The following ATP8A2 variants were observed in gnomAD, a reference collection of about 807,000 sequenced individuals.
ATP8A2 encodes phospholipid-transporting ATPase IB.
A neutral mutation model predicts 165.6 loss-of-function variants in ATP8A2; 100 were observed. The observed-to-expected ratio is 0.60, with a 90% CI of 0.51 to 0.71. The LOEUF (loss-of-function observed/expected upper bound fraction) is 0.71, where lower values mean the gene tolerates loss of function less well. ATP8A2 is among the 30% of genes least tolerant of loss of function. The probability of loss-of-function intolerance (pLI) is 0.00; values close to 1 mark genes in which losing one functional copy is unlikely to be tolerated. For missense variants in ATP8A2, 1,227 were observed against 1,479.5 expected, an observed-to-expected ratio of 0.83 and a Z score of 2.80; for synonymous variants, 543 against 548.8, an observed-to-expected ratio of 0.99 and a Z score of 0.15.
chr13:25,846,723 AATG>A (rs1443891384), intron 30 of ATP8A2, among the ~76,000 whole-genome samples: 2 of 152,166 alleles, frequency 1.3e-5, no homozygotes, highest in Non-Finnish European at 2.9e-5. Flanking sequence ...AGGCCAGGAT[AATG>A]ATTGGAGTCC....
At chr13:25,666,820 A>G (rs1003190801) in intron 24 of ATP8A2, among the ~76,000 whole-genome samples, 5 of 152,326 alleles carry the variant, frequency 3.3e-5, no homozygotes, top group African/African-American at 1.2e-4. Context: ...TTCTGAGTAG[A>G]GATAAGGCTG....
At chr13:25,468,879 C>G in intron 1 of ATP8A2, 98 bp from the exon 2 acceptor site, 2 of 1,554,012 alleles carry the variant, frequency 1.3e-6, no homozygotes, top group African/African-American at 2.8e-5. Flanking sequence ...GCATCCTTCC[C>G]CGCCGGTGGC....
intron 25 of ATP8A2, among the ~76,000 whole-genome samples, chr13:25,738,759 G>A (rs1158500059): frequency 6.6e-6 from 1 of 152,228 alleles, no homozygotes; most frequent in African/African-American, 2.4e-5. Context: ...ACAACTCTTT[G>A]GATGTAATAC....
At chr13:25,717,418 TAA>T (rs55732375) in intron 25 of ATP8A2, among the ~76,000 whole-genome samples, 12 of 94,990 alleles carry the variant, frequency 1.3e-4, no homozygotes, top group South Asian at 3.8e-4. Flanking sequence ...CTGAAAAAAC[TAA>T]AAAAAAAAAA....
intron 29 of ATP8A2, among the ~76,000 whole-genome samples, chr13:25,838,521 A>ATTCC (rs1951678057): frequency 6.6e-6 from 1 of 152,094 alleles, no homozygotes; most frequent in African/African-American, 2.4e-5. Context: ...AGTAAGTAAG[A>ATTCC]GCTGAGAATG....
intron 25 of ATP8A2, among the ~76,000 whole-genome samples, chr13:25,763,548 G>C (rs540785411): frequency 2.6e-5 from 4 of 151,938 alleles, no homozygotes; most frequent in Non-Finnish European, 2.9e-5. Flanking sequence ...TATTGGGCTC[G>C]CCTGAATGCA....
chr13:25,632,245 CTT>C (rs34476901), intron 24 of ATP8A2, among the ~76,000 whole-genome samples: 32,194 of 151,980 alleles, frequency 0.21, 3,527 homozygotes, highest in Admixed American at 0.25. Flanking sequence ...ATTTTTGGGG[CTT>C]TTATGGAGGC....
chr13:25,567,282 C>A (rs2039342332), intron 16 of ATP8A2: 1 of 456,382 alleles, frequency 2.2e-6, no homozygotes, highest in Admixed American at 2.3e-5. Flanking sequence ...GAATGGAGAT[C>A]TGAGCACAGC....
intron 2 of ATP8A2, among the ~76,000 whole-genome samples, chr13:25,525,335 G>A (rs1204677633): frequency 6.6e-6 from 1 of 152,058 alleles, no homozygotes; most frequent in Non-Finnish European, 1.5e-5. Context: ...TGAGTGGATT[G>A]CACACCACAA....
chr13:25,435,935 G>GTGTGTA (rs1479696769), intron 1 of ATP8A2, among the ~76,000 whole-genome samples: 13 of 21,602 alleles, frequency 6.0e-4, no homozygotes, highest in Non-Finnish European at 2.3e-3. Context: ...GTGTGTGAGT[G>GTGTGTA]TGTGTGTGTG....
intron 30 of ATP8A2, among the ~76,000 whole-genome samples, chr13:25,852,189 G>C (rs1022478327): frequency 1.3e-5 from 2 of 152,170 alleles, no homozygotes; most frequent in African/African-American, 2.4e-5. Flanking sequence ...TTCTCAACCA[G>C]GATTGATTTT....
chr13:25,829,293 C>T (rs1446567583), intron 28 of ATP8A2, among the ~76,000 whole-genome samples: 1 of 151,972 alleles, frequency 6.6e-6, no homozygotes, highest in Non-Finnish European at 1.5e-5. Context: ...AGCACATTTC[C>T]TCCTGATACT....
intron 33 of ATP8A2, among the ~76,000 whole-genome samples, chr13:25,958,564 AC>A (rs1955585799): frequency 6.6e-6 from 1 of 152,108 alleles, no homozygotes; most frequent in Non-Finnish European, 1.5e-5. Context: ...CAATAATTCT[AC>A]CCACCTGACG....
At chr13:25,684,484 T>C (rs1458222383) in intron 24 of ATP8A2, among the ~76,000 whole-genome samples, 2 of 152,170 alleles carry the variant, frequency 1.3e-5, no homozygotes, top group Non-Finnish European at 2.9e-5. Flanking sequence ...GGAAAGACCA[T>C]ATCGAGTTCG....
At chr13:25,485,485 A>G (rs371005072) in intron 2 of ATP8A2, among the ~76,000 whole-genome samples, 2 of 152,364 alleles carry the variant, frequency 1.3e-5, no homozygotes, top group East Asian at 3.9e-4. Flanking sequence ...GGCACATGCC[A>G]TATCTTTTAA....
intron 27 of ATP8A2, among the ~76,000 whole-genome samples, chr13:25,780,106 A>G (rs2044839277): frequency 6.6e-6 from 1 of 152,228 alleles, no homozygotes; most frequent in African/African-American, 2.4e-5. Flanking sequence ...TAGTGGCCAT[A>G]AAATTCAAAT....
chr13:25,746,779 T>G (rs908702544), intron 25 of ATP8A2, among the ~76,000 whole-genome samples: 1 of 152,240 alleles, frequency 6.6e-6, no homozygotes, highest in African/African-American at 2.4e-5. Flanking sequence ...CATTGAAGAC[T>G]GAACCATATA....
intron 1 of ATP8A2, among the ~76,000 whole-genome samples, chr13:25,392,132 G>A (rs2033270847): frequency 1.3e-5 from 2 of 152,166 alleles, no homozygotes; most frequent in African/African-American, 4.8e-5. Context: ...TAGATAATGA[G>A]CACCACCCCT....
At chr13:25,764,148 T>C (rs1256825387) in intron 25 of ATP8A2, among the ~76,000 whole-genome samples, 1 of 152,230 alleles carries the variant, frequency 6.6e-6, no homozygotes, top group East Asian at 1.9e-4. Context: ...TTAAATATTA[T>C]GTATTTTAGG....
Sources: allele counts gnomAD v4.1 joint callset (sites outside exome capture counted in the v4.1 genomes callset), GRCh38; gene constraint gnomAD v4.1.1; transcripts MANE v1.5; gene names NCBI Gene and HGNC (gene_info 2026-07-23, HGNC 2026-07-21).